SREBF1: variants seen among roughly 807,000 people sequenced by gnomAD.
SREBF1 encodes sterol regulatory element binding transcription factor 1.
A neutral mutation model predicts 100.1 loss-of-function variants in SREBF1; 45 were observed. That is an observed-to-expected ratio of 0.45 (90% confidence interval 0.35 to 0.58). The LOEUF is 0.58. SREBF1 is among the 20% of genes least tolerant of loss of function. The pLI, the probability that SREBF1 is intolerant of heterozygous loss-of-function variation, is 0.00. For missense variants in SREBF1, 1,324 were observed against 1,539.4 expected (o/e 0.86, Z 2.34); for synonymous variants, 657 against 681.8 (o/e 0.96, Z 0.57).
In SREBF1 at chr17:17,819,265, GCA is replaced by G. The variant is rs948720901; in HGVS notation, c.847-33_847-32del. ...GGGCCAGGCACATGTTACCAGGTGG[GCA>G]TGTGTGTGTGTGTGTAGACCCCACT... On this transcript the variant is annotated intron_variant, in intron 4 of 18. Transcript: ENST00000261646. 1.2e-5 allele frequency: 20 copies of G among 1,613,366 alleles called. No individual in the cohort carries two copies. The Admixed American group carries it at 3.0e-4, about 24-fold the overall frequency.
intron 1 of SREBF1, among the ~76,000 whole-genome samples, chr17:17,831,917 C>T (rs1213123339): frequency 6.6e-6 from 1 of 152,212 alleles, no homozygotes; most frequent in Non-Finnish European, 1.5e-5. Context: ...GGATGGGGCC[C>T]AAGGCCCTTG....
chr17:17,813,052 T>C, intron 18 of SREBF1: 3 of 606,252 alleles, frequency 4.9e-6, no homozygotes, highest in South Asian at 4.0e-5. Context: ...CGTGCAGTCA[T>C]GTATCCCACA....
rs755731244 is a variant in SREBF1, at chr17:17,819,049, A to G, written c.1032T>C (p.Ile344=). ...TGCCCACCACCAGATCCTTGAGCTC[A>G]ATGATTTTGTCATTGATGGAGGAGC... is the stretch of plus-strand genomic sequence containing the variant. ...RYRSSINDKI[I]ELKDLVVGTE... is the part of the protein sequence containing the mutation. Residue 344 remains isoleucine (I), a synonymous_variant, in exon 5 of 19, where the codon ATT becomes ATC. Coordinates refer to ENST00000261646, the MANE Select transcript of SREBF1 (RefSeq NM_004176.5). The G allele has an allele frequency of 6.2e-7, 1 of 1,613,902 alleles. No homozygotes were observed. Among genetic ancestry groups the G allele is most frequent in the Non-Finnish European group, 8.5e-7 (1 of 1,180,026 alleles).
chr17:17,824,575 C>T lies in SREBF1; in HGVS notation c.92-4054G>A, dbSNP rs2034362565. The stretch of plus-strand genomic sequence containing the variant: ...CCTGGGCCTGTCTTCCCTCTTTTGT[C>T]AAAGGTAAAAGTTACACACACACAC... On this transcript the variant is annotated intron_variant, in intron 1 of 18. Transcript: ENST00000261646. The surrounding 1 kb of genome is among the most constrained non-coding windows in gnomAD (Gnocchi z 4.2). Among the ~76,000 whole-genome samples the T allele has an allele frequency of 1.3e-5, 2 of 152,102 alleles. No homozygotes were observed. Among genetic ancestry groups the T allele is most frequent in the African/African-American group, 4.8e-5 (2 of 41,406 alleles).
Position 17,821,846 on chromosome 17 carries a change from G to A in SREBF1, c.92-1325C>T, listed in dbSNP as rs184467989. On this transcript the variant is annotated intron_variant, in intron 1 of 18. Transcript: ENST00000261646. ...GGGTGGGGGCCCATGTCAGAAGGGTGGGTCTGGTCCAAAAGCCAGGCCCGC... is the reference window on the plus strand; with the variant it reads ...GGGTGGGGGCCCATGTCAGAAGGGTAGGTCTGGTCCAAAAGCCAGGCCCGC... Among the ~76,000 whole-genome samples the A allele has an allele frequency of 1.4e-4, 21 of 152,362 alleles. No homozygotes were observed. The East Asian group carries it at 3.3e-3, about 24-fold the overall frequency.
At chr17:17,836,400 C>G (rs2035237824) in intron 1 of SREBF1, among the ~76,000 whole-genome samples, 1 of 152,226 alleles carries the variant, frequency 6.6e-6, no homozygotes, top group Non-Finnish European at 1.5e-5. Flanking sequence ...CAGCTTCAGC[C>G]GTGGCCATCA....
At chr17:17,827,726 C>T (rs954908014) in intron 1 of SREBF1, among the ~76,000 whole-genome samples, 23 of 152,128 alleles carry the variant, frequency 1.5e-4, no homozygotes, top group African/African-American at 5.1e-4. Context: ...CCACAGCTGC[C>T]ATATGAAGAA....
intron 12 of SREBF1, 36 bp from the exon 13 acceptor site, chr17:17,815,365 G>C: frequency 6.4e-7 from 1 of 1,563,230 alleles, no homozygotes; most frequent in Non-Finnish European, 8.8e-7. Flanking sequence ...GTGGGGAGCA[G>C]GGCCCCACCC....
intron 1 of SREBF1, among the ~76,000 whole-genome samples, chr17:17,830,568 C>G (rs1354324104): frequency 6.6e-6 from 1 of 152,242 alleles, no homozygotes; most frequent in East Asian, 1.9e-4. Context: ...ACCCCAGAGC[C>G]TGGCAGGGGC....
intron 1 of SREBF1, chr17:17,823,620 G>T: frequency 6.2e-7 from 1 of 1,606,568 alleles, no homozygotes; most frequent in Non-Finnish European, 8.5e-7. Flanking sequence ...GTCAAGGCGC[G>T]GCGGATTTTT....
Position 17,819,382 on chromosome 17 carries a change from C to T in SREBF1, c.784G>A (p.Val262Met). 6.2e-7 allele frequency: 1 copy of T among 1,613,888 alleles called. No homozygotes were observed. Among genetic ancestry groups the T allele is most frequent in the Non-Finnish European group, 8.5e-7 (1 of 1,180,046 alleles). ...AGGGGACTGAGACCTGCCGCCTTCA[C>T]AGTGGCTCCGTCTGTCTTCATGGCT... ...LTAMKTDGAT[V>M]KAAGLSPLVS... The change falls in exon 4 of 19, where the codon GTG becomes ATG. Residue 262 changes from valine to methionine, a missense_variant. Transcript: ENST00000261646.
At position 17,817,089 on chromosome 17, in the gene SREBF1, G is replaced by A. The variant is rs1464975365; in HGVS notation, c.1654C>T (p.Leu552Phe). ...QWLLPPVVWL[L>F]NGLLVLVSLV... ...GAGACGAGCACCAACAGCCCATTGA[G>A]CAGCCAGACCACTGGGGGCAGCAGC... Residue 552 changes from leucine (L) to phenylalanine (F), a missense_variant, in exon 9 of 19, where the codon CTC (leucine) becomes TTC (phenylalanine). Leu to Phe is a conservative substitution (Grantham distance 22). Transcript: ENST00000261646. The surrounding 1 kb of genome is among the most constrained non-coding windows in gnomAD (Gnocchi z 6.6). The A allele has an allele frequency of 6.2e-7, 1 of 1,613,086 alleles. No homozygotes were observed. Among genetic ancestry groups the A allele is most frequent in the Non-Finnish European group, 8.5e-7 (1 of 1,179,966 alleles).
chr17:17,834,029 G>C lies in SREBF1; in HGVS notation c.91+2698C>G, dbSNP rs1005964489. Among the ~76,000 whole-genome samples the C allele has an allele frequency of 2.2e-4, 33 of 148,644 alleles. No homozygotes were observed. In the South Asian group the frequency reaches 3.2e-3, roughly 14 times the overall value. The stretch of plus-strand genomic sequence containing the variant: ...ATCCCCAAACACATATAAACACACA[G>C]AGAGAGAGAGAGAGAGAGAAGAAAA... On this transcript the variant is annotated intron_variant, in intron 1 of 18. Coordinates refer to ENST00000261646, the MANE Select transcript of SREBF1 (RefSeq NM_004176.5).
At chr17:17,825,406 G>C in intron 1 of SREBF1, among the ~76,000 whole-genome samples, 1 of 151,300 alleles carries the variant, frequency 6.6e-6, no homozygotes, top group South Asian at 2.1e-4. Context: ...GGGGTGGGGC[G>C]GGGGGGGCCT....
Position 17,812,062 on chromosome 17 carries a change from G to C in SREBF1, c.*560C>G, listed in dbSNP as rs1401894769. ...CTAGTCAGCACATCCATCAGCTGAAGACACAAAACCCAGATTATAAATAAT... is the reference window on the plus strand; with the variant it reads ...CTAGTCAGCACATCCATCAGCTGAACACACAAAACCCAGATTATAAATAAT... On this transcript the variant is annotated 3_prime_UTR_variant, in exon 19 of 19. Coordinates refer to ENST00000261646, the MANE Select transcript of SREBF1 (RefSeq NM_004176.5). 2.3e-6 allele frequency: 1 copy of C among 438,416 alleles called. No individual in the cohort carries two copies. The highest frequency in any genetic ancestry group is 4.5e-6 in the Non-Finnish European group (1 of 222,476). The allele number at this position is 438,416 out of a possible 1,614,324, so 27.2% of individuals were successfully genotyped here. A position where few individuals can be genotyped will look rare whatever the true frequency, so the allele number is the denominator to read the frequency against.
rs1468352718 is a variant in SREBF1, at chr17:17,811,761, C to G, written c.*861G>C. 1 of 454,844 alleles carries G rather than the reference C, an allele frequency of 2.2e-6. No homozygotes were observed. The highest frequency in any genetic ancestry group is 1.6e-5 in the South Asian group (1 of 64,360). The allele number at this position is 454,844 out of a possible 1,614,324, so 28.2% of individuals were successfully genotyped here. A position where few individuals can be genotyped will look rare whatever the true frequency, so the allele number is the denominator to read the frequency against. On this transcript the variant is annotated 3_prime_UTR_variant, in exon 19 of 19. Coordinates refer to ENST00000261646, the MANE Select transcript of SREBF1 (RefSeq NM_004176.5). The stretch of plus-strand genomic sequence containing the variant: ...ACACAACAGGTCCTGGAAGTCAGTC[C>G]ATCCTCCCGTGCCACCCAGGGACCT...
rs1407488218 is a variant in SREBF1, at chr17:17,820,375, T to A, written c.238A>T (p.Ser80Cys). 2 of 1,612,022 alleles carry A rather than the reference T, an allele frequency of 1.2e-6. No homozygotes were observed. Among genetic ancestry groups the A allele is most frequent in the Non-Finnish European group, 1.7e-6 (2 of 1,178,684 alleles). The part of the protein sequence containing the change: ...GSLSPPPATL[S>C]SSLEAFLSGP... ...CTCAGGAAGGCTTCAAGAGAGGAGC[T>A]CAATGTGGCAGGAGGTGGAGACAAG... The change falls in exon 2 of 19, where the codon AGC becomes TGC. Residue 80 changes from serine (S) to cysteine (C), a missense_variant. Coordinates refer to ENST00000261646, the MANE Select transcript of SREBF1 (RefSeq NM_004176.5).
chr17:17,834,025 C>CAG (rs113396102), intron 1 of SREBF1, among the ~76,000 whole-genome samples: 155 of 147,536 alleles, frequency 1.1e-3, no homozygotes, highest in African/African-American at 2.3e-3. Context: ...CATATAAACA[C>CAG]ACAGAGAGAG....
In SREBF1 at chr17:17,834,025, C is replaced by CAGAGAGAGAGAGAGAGAG. The variant is rs113396102; in HGVS notation, c.91+2701_91+2702insCTCTCTCTCTCTCTCTCT. Among the ~76,000 whole-genome samples, 610 of 147,570 alleles carry CAGAGAGAGAGAGAGAGAG rather than the reference C, an allele frequency of 4.1e-3. 7 individuals carry two copies. The highest frequency in any genetic ancestry group is 0.014 in the African/African-American group (562 of 39,266). On this transcript the variant is annotated intron_variant, in intron 1 of 18. Transcript: ENST00000261646. Reference sequence around the variant, plus strand: ...ACCCATCCCCAAACACATATAAACACACAGAGAGAGAGAGAGAGAGAGAAG... The same window carrying CAGAGAGAGAGAGAGAGAG: ...ACCCATCCCCAAACACATATAAACACAGAGAGAGAGAGAGAGAGACAGAGAGAGAGAGAGAGAGAGAAG...
Sources: allele counts gnomAD v4.1 joint callset (sites outside exome capture counted in the v4.1 genomes callset), GRCh38; gene constraint gnomAD v4.1.1; non-coding constraint Gnocchi (gnomAD v3.1); transcripts MANE v1.5; gene names NCBI Gene and HGNC (gene_info 2026-07-23, HGNC 2026-07-21).